Variants in HMCN1 observed in about 807,000 individuals in gnomAD.
The protein encoded by HMCN1 is hemicentin-1.
Under a neutral mutation model 625.9 loss-of-function variants are expected in HMCN1, and 321 were observed. The observed-to-expected ratio is 0.51, with a 90% CI of 0.47 to 0.56. The LOEUF is 0.56. Ranked by LOEUF, HMCN1 falls within the 20% of genes least tolerant of loss-of-function variation. The pLI is 0.00. For missense variants in HMCN1, 6,588 were observed against 6,887.3 expected, an observed-to-expected ratio of 0.96 and a Z score of 1.54; for synonymous variants, 2,425 against 2,417.6, an observed-to-expected ratio of 1.00 and a Z score of -0.09.
At chr1:186,014,414 T>C (rs949317682) in intron 30 of HMCN1, among the ~76,000 whole-genome samples, 4 of 151,952 alleles carry the variant, frequency 2.6e-5, no homozygotes, top group African/African-American at 9.7e-5. Context: ...ATGCTGGTTA[T>C]AAGATTATAT....
Position 186,087,237 on chromosome 1 carries a change from A to T in HMCN1, c.9067A>T (p.Ile3023Phe). 1 of 1,612,740 alleles carries T rather than the reference A, an allele frequency of 6.2e-7. No individual in the cohort carries two copies. Among genetic ancestry groups the T allele is most frequent in the Non-Finnish European group, 8.5e-7 (1 of 1,178,990 alleles). Residue 3023 changes from isoleucine (I) to phenylalanine (F), a missense_variant, in exon 59 of 107, where the codon ATT (isoleucine) becomes TTT (phenylalanine). By Grantham distance (21) the Ile-to-Phe change is conservative. Around this residue, in one of 3 missense-constraint regions of HMCN1, gnomAD observed 4,628 missense variants for 4,853.1 expected, o/e 0.95. Coordinates refer to ENST00000271588, the MANE Select transcript of HMCN1 (RefSeq NM_031935.3). ...TACAGGTGGTCGAACTCTACAGATTATTCGGGCCAAGGTATCAGATGGTGG... is the reference window on the plus strand; with the variant it reads ...TACAGGTGGTCGAACTCTACAGATTTTTCGGGCCAAGGTATCAGATGGTGG... ...IVPGGRTLQI[I>F]RAKVSDGGEY...
chr1:186,163,962 A>C (rs1011084896), intron 97 of HMCN1, among the ~76,000 whole-genome samples: 1 of 152,196 alleles, frequency 6.6e-6, no homozygotes, highest in Non-Finnish European at 1.5e-5. Flanking sequence ...TTTACATGAC[A>C]TATTTTTTCC....
intron 11 of HMCN1, among the ~76,000 whole-genome samples, chr1:185,956,433 A>T (rs1359168523): frequency 2.6e-5 from 4 of 152,198 alleles, no homozygotes; most frequent in African/African-American, 9.7e-5. Flanking sequence ...AGAGTGGCTC[A>T]CAGAACCCAG....
At chr1:185,835,681 C>T (rs1661124252) in intron 1 of HMCN1, among the ~76,000 whole-genome samples, 1 of 151,812 alleles carries the variant, frequency 6.6e-6, no homozygotes, top group Non-Finnish European at 1.5e-5. Context: ...GGCATTTACA[C>T]TGATGATCCA....
chr1:185,829,581 C>G (rs1321709896), intron 1 of HMCN1, among the ~76,000 whole-genome samples: 1 of 152,116 alleles, frequency 6.6e-6, no homozygotes, highest in African/African-American at 2.4e-5. Flanking sequence ...CTGCAAAGGA[C>G]ATGATCTCAT....
intron 6 of HMCN1, among the ~76,000 whole-genome samples, chr1:185,917,080 C>T (rs187018483): frequency 6.6e-6 from 1 of 152,230 alleles, no homozygotes. Context: ...TGATACATTT[C>T]TCTTCCTAGC....
intron 85 of HMCN1, among the ~76,000 whole-genome samples, chr1:186,131,689 C>T (rs945489952): frequency 2.0e-5 from 3 of 152,090 alleles, no homozygotes; most frequent in Admixed American, 6.6e-5. Context: ...CTGAATTCTT[C>T]CATTCACAAG....
intron 89 of HMCN1, among the ~76,000 whole-genome samples, chr1:186,142,939 G>A (rs550244269): frequency 2.0e-5 from 3 of 152,132 alleles, no homozygotes; most frequent in Non-Finnish European, 4.4e-5. Flanking sequence ...TGGAACTTCA[G>A]AATTTTTGAA....
intron 1 of HMCN1, among the ~76,000 whole-genome samples, chr1:185,738,577 G>A (rs1179550082): frequency 6.6e-6 from 1 of 152,086 alleles, no homozygotes; most frequent in African/African-American, 2.4e-5. Context: ...GGATATACCT[G>A]GCAGTGGAAT....
At chr1:186,098,126 C>T (rs1433088050) in intron 68 of HMCN1, among the ~76,000 whole-genome samples, 2 of 151,964 alleles carry the variant, frequency 1.3e-5, no homozygotes, top group Non-Finnish European at 2.9e-5. Context: ...GGAAACACTT[C>T]ATGATATTGG....
At chr1:185,853,973 GA>G (rs1662314284) in intron 2 of HMCN1, among the ~76,000 whole-genome samples, 1 of 152,160 alleles carries the variant, frequency 6.6e-6, no homozygotes, top group Non-Finnish European at 1.5e-5. Context: ...ATGATGCCTG[GA>G]TTCAATCCAT....
intron 72 of HMCN1, among the ~76,000 whole-genome samples, chr1:186,113,321 A>G (rs1211662043): frequency 6.6e-6 from 1 of 152,228 alleles, no homozygotes; most frequent in Non-Finnish European, 1.5e-5. Flanking sequence ...TATGTGCCAA[A>G]CAGAGACTGT....
intron 99 of HMCN1, 59 bp downstream of exon 99, chr1:186,166,362 A>C: frequency 6.3e-7 from 1 of 1,599,998 alleles, no homozygotes; most frequent in South Asian, 1.1e-5. Context: ...TTTGACCTAG[A>C]AAAAGTATGA....
chr1:185,750,686 T>G (rs1164537409), intron 1 of HMCN1, among the ~76,000 whole-genome samples: 1 of 152,178 alleles, frequency 6.6e-6, no homozygotes, highest in African/African-American at 2.4e-5. Flanking sequence ...TTCAAACTAT[T>G]TTTATAGTCA....
chr1:185,823,199 C>T (rs1320566115), intron 1 of HMCN1, among the ~76,000 whole-genome samples: 4 of 152,032 alleles, frequency 2.6e-5, no homozygotes, highest in Non-Finnish European at 5.9e-5. Context: ...GATTTATTCC[C>T]TCTAAACTGG....
chr1:185,747,048 CAT>C (rs1654455689), intron 1 of HMCN1, among the ~76,000 whole-genome samples: 1 of 151,382 alleles, frequency 6.6e-6, no homozygotes, highest in African/African-American at 2.5e-5. Flanking sequence ...AGGACTTTAA[CAT>C]ATGAATTTTT....
At chr1:186,040,928 A>T in intron 39 of HMCN1, 85 bp from the exon 40 acceptor site, 1 of 1,453,366 alleles carries the variant, frequency 6.9e-7, no homozygotes, top group South Asian at 1.1e-5. Context: ...TCAACTGATA[A>T]GCCTCAAAAA....
At chr1:185,953,690 C>T (rs905873558) in intron 11 of HMCN1, among the ~76,000 whole-genome samples, 17 of 151,850 alleles carry the variant, frequency 1.1e-4, no homozygotes, top group South Asian at 4.2e-4. Flanking sequence ...ATCTTTCTCA[C>T]GGAGCAAAGA....
intron 4 of HMCN1, among the ~76,000 whole-genome samples, chr1:185,889,428 A>G (rs1664898218): frequency 6.8e-6 from 1 of 147,468 alleles, no homozygotes; most frequent in Non-Finnish European, 1.5e-5. Context: ...TCCATTCAGT[A>G]TGATACTGGC....
Sources: allele counts gnomAD v4.1 joint callset (sites outside exome capture counted in the v4.1 genomes callset), GRCh38; gene constraint gnomAD v4.1.1; regional missense constraint gnomAD v4.1.1; transcripts MANE v1.5; gene names NCBI Gene and HGNC (gene_info 2026-07-23, HGNC 2026-07-21).